Variants in BPIFB4 observed in about 807,000 individuals in gnomAD.
BPIFB4 encodes BPI fold containing family B member 4, also known as BPI fold-containing family B member 4.
In BPIFB4, 62 loss-of-function variants were observed where a neutral mutation model predicts 69.2. The ratio of observed to expected loss-of-function variants is 0.90; its 90% confidence interval spans 0.73 to 1.11. BPIFB4 has a LOEUF of 1.11. Among genes scored for constraint, BPIFB4 ranks in the 50% least tolerant of loss-of-function variants. The pLI is 0.00. For missense variants in BPIFB4, 789 were observed against 792.0 expected (o/e 1.00, Z 0.04); for synonymous variants, 330 against 332.7 (o/e 0.99, Z 0.09).
chr20:33,106,573 A>G (rs1443232719), intron 16 of BPIFB4, among the ~76,000 whole-genome samples: 4 of 151,822 alleles, frequency 2.6e-5, no homozygotes, highest in Non-Finnish European at 5.9e-5. Context: ...GGTTTTTGCC[A>G]TGTTGGCCAG....
At chr20:33,097,415 T>G (rs971493243) in intron 12 of BPIFB4, among the ~76,000 whole-genome samples, 26 of 152,292 alleles carry the variant, frequency 1.7e-4, no homozygotes, top group Non-Finnish European at 3.4e-4. Flanking sequence ...TCACAGTTAT[T>G]TCTCATAGTA....
intron 16 of BPIFB4, among the ~76,000 whole-genome samples, chr20:33,106,208 A>G (rs1982049727): frequency 6.6e-6 from 1 of 152,122 alleles, no homozygotes; most frequent in African/African-American, 2.4e-5. Flanking sequence ...AGTAATTAGC[A>G]GGTTTACTTA....
At chr20:33,088,780 T>C (rs1287541744) in intron 7 of BPIFB4, among the ~76,000 whole-genome samples, 186 bp from the exon 8 acceptor site, 1 of 152,178 alleles carries the variant, frequency 6.6e-6, no homozygotes, top group East Asian at 1.9e-4. Flanking sequence ...GCCAAACAAT[T>C]TGCCTGGGTG....
intron 16 of BPIFB4, 108 bp downstream of exon 16, chr20:33,104,981 C>A: frequency 9.0e-7 from 1 of 1,110,278 alleles, no homozygotes; most frequent in Non-Finnish European, 1.3e-6. Flanking sequence ...AATAGTATTT[C>A]TGAGCACTTC....
At position 33,097,778 on chromosome 20, in the gene BPIFB4, C is replaced by T; in HGVS notation, c.1560C>T (p.Leu520=). 6.2e-7 allele frequency: 1 copy of T among 1,612,620 alleles called. No homozygotes were observed. Among genetic ancestry groups the T allele is most frequent in the Non-Finnish European group, 8.5e-7 (1 of 1,179,232 alleles). The change falls in exon 13 of 18, where the codon CTC becomes CTT. Residue 520 remains leucine (L), a synonymous_variant. Transcript: ENST00000375483. The part of the protein sequence containing the change: ...QPKDLETTIC[L]IDVDTEFLAS... Reference sequence around the variant, plus strand: ...AAGACCTGGAGACTACCATCTGCCTCATTGACGTGGTGAGTGTCTGGAGGT... The same window carrying T: ...AAGACCTGGAGACTACCATCTGCCTTATTGACGTGGTGAGTGTCTGGAGGT...
At position 33,090,692 on chromosome 20, in the gene BPIFB4, TC is replaced by T. The variant is rs756804528; in HGVS notation, c.1052-15del. The T allele has an allele frequency of 2.7e-5, 44 of 1,613,468 alleles. No homozygotes were observed. The highest frequency in any genetic ancestry group is 8.5e-7 in the Non-Finnish European group (1 of 1,179,576). ...TGGTGAGGGGACCTCCCTGTGACCC[TC>T]TCCTTTGCCTGCAGCTCTGATTCCT... On this transcript the variant is annotated splice_polypyrimidine_tract_variant and intron_variant, in intron 9 of 17. Coordinates refer to ENST00000375483, the MANE Select transcript of BPIFB4 (RefSeq NM_182519.3).
At chr20:33,082,824 C>T (rs950169522) in intron 3 of BPIFB4, 114 bp from the exon 4 acceptor site, 10 of 1,037,720 alleles carry the variant, frequency 9.6e-6, no homozygotes, top group East Asian at 2.4e-5. Flanking sequence ...CTCTGCTCTT[C>T]GCTGGTGGGA....
chr20:33,083,923 TG>T, intron 5 of BPIFB4, 49 bp downstream of exon 5: 1 of 1,537,478 alleles, frequency 6.5e-7, no homozygotes, highest in East Asian at 2.3e-5. Flanking sequence ...CACCTCCAAA[TG>T]GGGGTGATCA....
intron 3 of BPIFB4, among the ~76,000 whole-genome samples, chr20:33,082,251 T>C (rs1981253506): frequency 6.6e-6 from 1 of 152,240 alleles, no homozygotes; most frequent in Admixed American, 6.5e-5. Context: ...CCTCAATCTT[T>C]CTATCCATCA....
intron 16 of BPIFB4, among the ~76,000 whole-genome samples, chr20:33,105,915 G>T (rs1480539240): frequency 1.3e-5 from 2 of 152,132 alleles, no homozygotes; most frequent in Non-Finnish European, 2.9e-5. Flanking sequence ...TCATACTGAA[G>T]TGCAATTCAC....
intron 4 of BPIFB4, 119 bp downstream of exon 4, chr20:33,083,119 G>C: frequency 2.2e-6 from 2 of 923,582 alleles, no homozygotes; most frequent in East Asian, 5.5e-5. Context: ...GGGGTGGAGG[G>C]GGTGGCAGTG....
rs1010173171 is a variant in BPIFB4, at chr20:33,101,584, C to T, written c.1637+1091C>T. 4.6e-5 allele frequency among the ~76,000 whole-genome samples: 7 copies of T among 152,310 alleles called. No homozygotes were observed. The East Asian group carries it at 1.2e-3, about 25-fold the overall frequency. On this transcript the variant is annotated intron_variant, in intron 14 of 17. Coordinates refer to ENST00000375483, the MANE Select transcript of BPIFB4 (RefSeq NM_182519.3). ...TTTCTTTTCTTTTGAGCCAGGAGCT[C>T]GCTCTGTTGCCCAGGCTAGAGTACA...
Position 33,089,546 on chromosome 20 carries a change from G to A in BPIFB4, c.1039G>A (p.Gly347Ser), listed in dbSNP as rs188057482. The A allele has an allele frequency of 2.0e-5, 33 of 1,614,236 alleles. No homozygotes were observed. Among genetic ancestry groups the A allele is most frequent in the Non-Finnish European group, 2.8e-5 (33 of 1,180,046 alleles). Residue 347 changes from glycine (G) to serine (S), a missense_variant, in exon 9 of 18, where the codon GGC becomes AGC. Transcript: ENST00000375483. ...VVLGLVNDQL[G>S]LVDSLIPLGI... The stretch of plus-strand genomic sequence containing the variant: ...GCTGGGTCTTGTCAATGACCAGCTG[G>A]GCCTCGTGGATTGTAAGTCCAATAC...
chr20:33,095,024 T>C, intron 11 of BPIFB4, 76 bp from the exon 12 acceptor site: 1 of 1,399,114 alleles, frequency 7.1e-7, no homozygotes. Context: ...ATGTAGGAGT[T>C]TAATCACTGT....
intron 10 of BPIFB4, 148 bp from the exon 11 acceptor site, chr20:33,092,310 G>T: frequency 3.1e-6 from 2 of 635,854 alleles, no homozygotes; most frequent in Non-Finnish European, 2.7e-6. Flanking sequence ...GAGGAGAGTG[G>T]GGACCATGCA....
chr20:33,108,297 G>C lies in BPIFB4; in HGVS notation c.1821+477G>C, dbSNP rs369465830. Among the ~76,000 whole-genome samples the C allele has an allele frequency of 1.3e-4, 20 of 151,742 alleles. No individual in the cohort carries two copies. In the East Asian group the frequency reaches 3.9e-3, roughly 29 times the overall value. ...GAAGTAATTGGCTAATTATAATCAT[G>C]GCAGGTGCTTTGAAGTTCACATGCA... On this transcript the variant is annotated intron_variant, in intron 17 of 17. Coordinates refer to ENST00000375483, the MANE Select transcript of BPIFB4 (RefSeq NM_182519.3).
chr20:33,090,903 A>T (rs895782112), intron 10 of BPIFB4, 104 bp downstream of exon 10: 76 of 1,341,858 alleles, frequency 5.7e-5, no homozygotes, highest in Non-Finnish European at 7.6e-5. Flanking sequence ...GGGAAGTAAC[A>T]CTTGACAGGA....
chr20:33,093,633 C>CTACT (rs1009575906), intron 11 of BPIFB4, among the ~76,000 whole-genome samples: 6 of 97,726 alleles, frequency 6.1e-5, no homozygotes, highest in African/African-American at 2.1e-4. Context: ...ATCCATCCAT[C>CTACT]TACTCATCAA....
Position 33,092,675 on chromosome 20 carries a change from C to G in BPIFB4, c.1344+17C>G. The G allele has an allele frequency of 6.3e-7, 1 of 1,597,442 alleles. No individual in the cohort carries two copies. Among genetic ancestry groups the G allele is most frequent in the South Asian group, 1.1e-5 (1 of 90,904 alleles). On this transcript the variant is annotated intron_variant, in intron 11 of 17. Coordinates refer to ENST00000375483, the MANE Select transcript of BPIFB4 (RefSeq NM_182519.3). The stretch of plus-strand genomic sequence containing the variant: ...AATGGCATGGTGAGTCACAGCCCCA[C>G]CAGGGGGAGGTGGCTGGGCAGCAGA...
Sources: gnomAD v4.1 joint callset for allele counts (sites outside exome capture counted in the v4.1 genomes callset) on GRCh38, gnomAD v4.1.1 for gene constraint, MANE v1.5 for transcripts, NCBI Gene and HGNC (gene_info 2026-07-23, HGNC 2026-07-21) for gene names.